SENP7: variants seen among roughly 807,000 people sequenced by gnomAD.
The protein encoded by SENP7 is SUMO specific peptidase 7, also known as sentrin-specific protease 7.
Under a neutral mutation model 141.2 loss-of-function variants are expected in SENP7, and 64 were observed. The ratio of observed to expected loss-of-function variants is 0.45; its 90% confidence interval spans 0.37 to 0.56. SENP7 has a LOEUF of 0.56. Ranked by LOEUF, SENP7 falls within the 20% of genes least tolerant of loss-of-function variation. SENP7 has a pLI of 0.00. For synonymous variants in SENP7, 382 were observed against 426.4 expected, an observed-to-expected ratio of 0.90 and a Z score of 1.28; for missense variants, 1,025 against 1,212.2, an observed-to-expected ratio of 0.85 and a Z score of 2.29.
intron 3 of SENP7, among the ~76,000 whole-genome samples, chr3:101,466,941 T>C (rs920472753): frequency 6.6e-6 from 1 of 152,158 alleles, no homozygotes; most frequent in Admixed American, 6.5e-5. Context: ...CAAGGGAAGC[T>C]GTGACAGGCT....
chr3:101,512,041 C>T (rs567107615), intron 1 of SENP7, among the ~76,000 whole-genome samples: 1 of 152,130 alleles, frequency 6.6e-6, no homozygotes, highest in African/African-American at 2.4e-5. Context: ...AGGATGGTCT[C>T]GATCTCCTGA....
chr3:101,377,497 G>A lies in SENP7; in HGVS notation c.678-5371C>T, dbSNP rs560970322. On this transcript the variant is annotated intron_variant, in intron 6 of 23. Coordinates refer to ENST00000394095, the MANE Select transcript of SENP7 (RefSeq NM_020654.5). ...AGAGGACTTAGTCATAAAGGGGGTC[G>A]CACACTTTTGTGAGTTTTATCTCCA... Among the ~76,000 whole-genome samples, 30 of 152,224 alleles carry A rather than the reference G, an allele frequency of 2.0e-4. No individual in the cohort carries two copies. The South Asian group carries it at 3.5e-3, about 18-fold the overall frequency.
At chr3:101,462,030 T>C (rs1386610975) in intron 3 of SENP7, among the ~76,000 whole-genome samples, 1 of 152,126 alleles carries the variant, frequency 6.6e-6, no homozygotes, top group Non-Finnish European at 1.5e-5. Flanking sequence ...AGAGATAAAT[T>C]AAGAAGTGAA....
chr3:101,338,786 A>G (rs2059255003), intron 16 of SENP7, among the ~76,000 whole-genome samples: 1 of 152,208 alleles, frequency 6.6e-6, no homozygotes. Flanking sequence ...AAACTTCGTA[A>G]TTCCTGAGAC....
intron 1 of SENP7, among the ~76,000 whole-genome samples, chr3:101,503,883 C>G (rs989014150): frequency 4.0e-5 from 6 of 151,698 alleles, no homozygotes; most frequent in Non-Finnish European, 8.8e-5. Flanking sequence ...GCAGTTGAGG[C>G]TGCAGTGAGC....
At chr3:101,376,191 T>G (rs2107465175) in intron 6 of SENP7, among the ~76,000 whole-genome samples, 1 of 152,250 alleles carries the variant, frequency 6.6e-6, no homozygotes, top group Non-Finnish European at 1.5e-5. Flanking sequence ...TGCCAGGGAC[T>G]GGAAGAAGGG....
chr3:101,333,439 T>G (rs1019747770), intron 17 of SENP7, among the ~76,000 whole-genome samples: 1 of 152,248 alleles, frequency 6.6e-6, no homozygotes. Context: ...TCCCAGCTAC[T>G]TGGGGGATTG....
intron 5 of SENP7, among the ~76,000 whole-genome samples, chr3:101,410,364 T>C (rs1292387087): frequency 1.3e-5 from 2 of 152,202 alleles, no homozygotes; most frequent in Admixed American, 6.5e-5. Context: ...TGGAAAACAG[T>C]GCGGAGATTC....
intron 1 of SENP7, among the ~76,000 whole-genome samples, chr3:101,508,204 A>T (rs567043697): frequency 6.6e-6 from 1 of 152,236 alleles, no homozygotes; most frequent in East Asian, 1.9e-4. Flanking sequence ...CTGAAGCACT[A>T]AAACATCCAT....
chr3:101,505,160 C>T (rs537787516), intron 1 of SENP7, among the ~76,000 whole-genome samples: 1 of 152,198 alleles, frequency 6.6e-6, no homozygotes, highest in East Asian at 1.9e-4. Context: ...TACACATGGA[C>T]ATAGAGTGTG....
chr3:101,388,392 A>T (rs973803973), intron 6 of SENP7, among the ~76,000 whole-genome samples: 2 of 152,210 alleles, frequency 1.3e-5, no homozygotes, highest in Non-Finnish European at 2.9e-5. Context: ...CGTTGATTAT[A>T]GCCAAAAAAA....
At chr3:101,441,478 G>A (rs1051400176) in intron 4 of SENP7, among the ~76,000 whole-genome samples, 3 of 152,082 alleles carry the variant, frequency 2.0e-5, no homozygotes, top group Admixed American at 2.0e-4. Flanking sequence ...CCTGTCCACT[G>A]CCACCACCAC....
At chr3:101,512,781 CAG>C (rs553034894) in intron 1 of SENP7, among the ~76,000 whole-genome samples, 71 of 152,242 alleles carry the variant, frequency 4.7e-4, no homozygotes, top group Middle Eastern at 3.4e-3. Flanking sequence ...GAAGGCGTGG[CAG>C]AGAGTGACAA....
chr3:101,508,292 G>A (rs1004272783), intron 1 of SENP7, among the ~76,000 whole-genome samples: 2 of 151,850 alleles, frequency 1.3e-5, no homozygotes, highest in South Asian at 4.1e-4. Flanking sequence ...TCAGCAATAC[G>A]CATTCAAGAA....
Position 101,331,918 on chromosome 3 carries a change from T to A in SENP7, c.2698+67A>T. On this transcript the variant is annotated intron_variant, in intron 19 of 23. Transcript: ENST00000394095. ...TAACTATACTACCGTTAACTTCATT[T>A]TCTTCCCTGTAACCATTAAATTATT... The A allele has an allele frequency of 5.9e-6, 9 of 1,514,098 alleles. No individual in the cohort carries two copies. The South Asian group carries it at 8.3e-5, about 14-fold the overall frequency. The allele number at this position is 1,514,098 out of a possible 1,614,324, so 93.8% of individuals were successfully genotyped here. A position where few individuals can be genotyped will look rare whatever the true frequency, so the allele number is the denominator to read the frequency against.
At position 101,337,508 on chromosome 3, in the gene SENP7, C is replaced by T. The variant is rs1316113359; in HGVS notation, c.2480+1G>A. The T allele has an allele frequency of 6.6e-6, 10 of 1,516,168 alleles. No individual in the cohort carries two copies. Among genetic ancestry groups the T allele is most frequent in the Non-Finnish European group, 9.1e-6 (10 of 1,101,674 alleles). The allele number at this position is 1,516,168 out of a possible 1,614,324, so 93.9% of individuals were successfully genotyped here. A position where few individuals can be genotyped will look rare whatever the true frequency, so the allele number is the denominator to read the frequency against. ...TTAAGTACATTAGAGGATTAACTTACGAAAGATTTGGATTATCTTCTGTTA... is the reference window on the plus strand; with the variant it reads ...TTAAGTACATTAGAGGATTAACTTATGAAAGATTTGGATTATCTTCTGTTA... On this transcript the variant is annotated splice_donor_variant, in intron 17 of 23. Coordinates refer to ENST00000394095, the MANE Select transcript of SENP7 (RefSeq NM_020654.5). LOFTEE classifies it high-confidence loss of function.
chr3:101,447,773 T>C (rs181626497), intron 4 of SENP7, among the ~76,000 whole-genome samples: 331 of 146,154 alleles, frequency 2.3e-3, no homozygotes, highest in Non-Finnish European at 3.7e-3. Context: ...CCAGAACAGC[T>C]CCAAAAAATC....
chr3:101,486,833 T>TG (rs1189810258), intron 3 of SENP7, among the ~76,000 whole-genome samples: 1 of 152,176 alleles, frequency 6.6e-6, no homozygotes, highest in Non-Finnish European at 1.5e-5. Flanking sequence ...AACTGCAGAA[T>TG]GGATAAGAAC....
intron 22 of SENP7, 22 bp downstream of exon 22, chr3:101,328,456 T>G (rs1333398460): frequency 6.3e-7 from 1 of 1,584,566 alleles, no homozygotes; most frequent in Admixed American, 1.7e-5. Flanking sequence ...CAGACTGGAA[T>G]GGTAAAATTG....
Sources: gnomAD v4.1 joint callset for allele counts (sites outside exome capture counted in the v4.1 genomes callset) on GRCh38, gnomAD v4.1.1 for gene constraint, MANE v1.5 for transcripts, NCBI Gene and HGNC (gene_info 2026-07-23, HGNC 2026-07-21) for gene names.